The following ROBO2 variants were observed in gnomAD, a reference collection of about 807,000 sequenced individuals.
ROBO2 encodes roundabout guidance receptor 2.
In ROBO2, 53 loss-of-function variants were observed where a neutral mutation model predicts 160.8. That is an observed-to-expected ratio of 0.33 (90% CI 0.26 to 0.41). The LOEUF is 0.41. Among genes scored for constraint, ROBO2 ranks in the 10% least tolerant of loss-of-function variants. ROBO2 has a pLI of 1.00. For missense variants in ROBO2, 1,577 were observed against 1,722.4 expected (o/e 0.92, Z 1.49); for synonymous variants, 664 against 611.7 (o/e 1.09, Z -1.26).
At chr3:77,120,959 T>C (rs569497148) in intron 2 of ROBO2, among the ~76,000 whole-genome samples, 26 of 152,278 alleles carry the variant, frequency 1.7e-4, no homozygotes, top group South Asian at 6.2e-4. Flanking sequence ...TTATTATTAT[T>C]TTTGAGACGG....
chr3:76,959,699 C>A (rs951627810), intron 2 of ROBO2, among the ~76,000 whole-genome samples: 1 of 152,048 alleles, frequency 6.6e-6, no homozygotes. Flanking sequence ...TACTCATATC[C>A]TAGATTTAAA....
chr3:77,618,764 C>T (rs1165449102), intron 22 of ROBO2, among the ~76,000 whole-genome samples: 1 of 152,112 alleles, frequency 6.6e-6, no homozygotes, highest in African/African-American at 2.4e-5. Context: ...TTATTACAAA[C>T]AGCCTCTTTT....
chr3:76,269,245 A>G lies in ROBO2; in HGVS notation c.109+331643A>G, dbSNP rs113867082. Among the ~76,000 whole-genome samples, 49 of 152,246 alleles carry G rather than the reference A, an allele frequency of 3.2e-4. 1 individual carries two copies. The highest frequency in any genetic ancestry group is 8.9e-4 in the African/African-American group (37 of 41,562). ...ATTTACTCTAATGTGGTTATTACAC[A>G]TTGTATGCCTGGATCAAAACGTCTC... On this transcript the variant is annotated intron_variant, in intron 2 of 26. Coordinates refer to the ROBO2 transcript ENST00000487694.
At chr3:76,523,986 ATGTGTGTG>A (rs67480680) in intron 2 of ROBO2, among the ~76,000 whole-genome samples, 3 of 149,340 alleles carry the variant, frequency 2.0e-5, no homozygotes, top group Non-Finnish European at 4.5e-5. Context: ...GTGTGTGTGT[ATGTGTGTG>A]TGTGTGTGTG....
chr3:77,357,101 T>C (rs1348204282), intron 2 of ROBO2, among the ~76,000 whole-genome samples: 1 of 152,196 alleles, frequency 6.6e-6, no homozygotes, highest in Non-Finnish European at 1.5e-5. Context: ...CCAGATACTT[T>C]GCAAGGGCCT....
At chr3:77,040,254 G>C (rs1246737391) in exon 1 of ROBO2, 2 of 988,258 alleles carry the variant, frequency 2.0e-6, no homozygotes, top group African/African-American at 3.5e-5. Context: ...TCTTATTATG[G>C]AAGTTAAGTA....
chr3:76,185,480 G>T (rs1701719764), intron 2 of ROBO2, among the ~76,000 whole-genome samples: 1 of 151,950 alleles, frequency 6.6e-6, no homozygotes, highest in South Asian at 2.1e-4. Flanking sequence ...GCAGTGAAAA[G>T]AAAATTAGCA....
intron 2 of ROBO2, among the ~76,000 whole-genome samples, chr3:75,982,971 C>T (rs1426597199): frequency 1.3e-5 from 2 of 151,442 alleles, no homozygotes; most frequent in South Asian, 2.1e-4. Flanking sequence ...ATCAGATACT[C>T]GACTAGCACT....
chr3:77,121,200 C>T (rs2150265375), intron 2 of ROBO2, among the ~76,000 whole-genome samples: 1 of 152,174 alleles, frequency 6.6e-6, no homozygotes. Flanking sequence ...CTGCTTCGGC[C>T]TCCCAAAGTG....
At chr3:76,661,047 C>T (rs2091794707) in intron 2 of ROBO2, among the ~76,000 whole-genome samples, 1 of 151,892 alleles carries the variant, frequency 6.6e-6, no homozygotes, top group East Asian at 1.9e-4. Flanking sequence ...TGAATAATAG[C>T]CAGAGAAGCA....
At chr3:76,449,299 TTC>T (rs2077355466) in intron 2 of ROBO2, among the ~76,000 whole-genome samples, 1 of 152,132 alleles carries the variant, frequency 6.6e-6, no homozygotes, top group Non-Finnish European at 1.5e-5. Flanking sequence ...TGAAATTTTT[TTC>T]TCTCTCCCCT....
At chr3:76,886,739 A>G (rs1004266632) in intron 2 of ROBO2, among the ~76,000 whole-genome samples, 2 of 152,098 alleles carry the variant, frequency 1.3e-5, no homozygotes, top group African/African-American at 2.4e-5. Context: ...AACTGGATTC[A>G]ATATGGTCAC....
chr3:77,103,694 G>C (rs565019622), intron 2 of ROBO2, among the ~76,000 whole-genome samples: 1 of 152,164 alleles, frequency 6.6e-6, no homozygotes. Flanking sequence ...AGAAGGTCTT[G>C]CATTATTTAT....
chr3:76,036,693 G>A (rs184911118), intron 2 of ROBO2, among the ~76,000 whole-genome samples: 23 of 150,408 alleles, frequency 1.5e-4, no homozygotes, highest in Non-Finnish European at 2.8e-4. Context: ...TAGTAGAGAC[G>A]GGATTTCTCC....
chr3:76,475,044 C>T (rs916037295), intron 2 of ROBO2, among the ~76,000 whole-genome samples: 1 of 151,804 alleles, frequency 6.6e-6, no homozygotes, highest in African/African-American at 2.4e-5. Flanking sequence ...ACAGTTTGCC[C>T]ACCAAGATAG....
intron 2 of ROBO2, among the ~76,000 whole-genome samples, chr3:76,859,989 C>A (rs1190069851): frequency 6.6e-6 from 1 of 152,188 alleles, no homozygotes; most frequent in Non-Finnish European, 1.5e-5. Flanking sequence ...TCTTCGACTG[C>A]ACATGATATT....
At chr3:76,639,962 TAA>T (rs148911959) in intron 2 of ROBO2, among the ~76,000 whole-genome samples, 3,201 of 152,304 alleles carry the variant, frequency 0.021, 111 homozygotes, top group African/African-American at 0.072. Context: ...TAACTATGCA[TAA>T]ATACTGTACT....
intron 2 of ROBO2, among the ~76,000 whole-genome samples, chr3:76,560,404 ATTATC>A (rs995497894): frequency 2.6e-5 from 4 of 152,048 alleles, no homozygotes; most frequent in East Asian, 1.9e-4. Context: ...GCTATCAAAT[ATTATC>A]TTAATTATGT....
chr3:76,651,379 C>A (rs1187426008), intron 2 of ROBO2, among the ~76,000 whole-genome samples: 2 of 152,106 alleles, frequency 1.3e-5, no homozygotes, highest in African/African-American at 2.4e-5. Context: ...TCATGCCCTC[C>A]TCCTAGGATA....
Sources: gnomAD v4.1 joint callset for allele counts (sites outside exome capture counted in the v4.1 genomes callset) on GRCh38, gnomAD v4.1.1 for gene constraint, MANE v1.5 for transcripts, NCBI Gene and HGNC (gene_info 2026-07-23, HGNC 2026-07-21) for gene names.